The following FAM81B variants were observed in gnomAD, a reference collection of about 807,000 sequenced individuals.
The protein encoded by FAM81B is protein FAM81B.
FAM81B carries 60 observed loss-of-function variants against 58.7 expected under a neutral mutation model. The observed-to-expected ratio is 1.02, with a 90% CI of 0.83 to 1.27. FAM81B has a LOEUF of 1.27. Among genes scored for constraint, FAM81B ranks in the 50% most tolerant of loss-of-function variants. The pLI is 0.00. For missense variants in FAM81B, 491 were observed against 522.0 expected (o/e 0.94, Z 0.58); for synonymous variants, 189 against 179.6 (o/e 1.05, Z -0.42).
rs1251717567 is a variant in FAM81B at position 95,448,445 on chromosome 5, G to A, written c.1206G>A (p.Met402Ile). 6.2e-7 allele frequency: 1 copy of A among 1,606,164 alleles called. No individual in the cohort carries two copies. The highest frequency in any genetic ancestry group is 1.7e-5 in the Admixed American group (1 of 57,886). The change falls in exon 9 of 10, where the codon ATG becomes ATA. Residue 402 changes from methionine (M) to isoleucine (I), a missense_variant. Coordinates refer to ENST00000283357, the MANE Select transcript of FAM81B (RefSeq NM_152548.3). ...EKQIWGELET[M>I]QNEYQSGFKS... is the part of the protein sequence containing the mutation. ...AGATCTGGGGTGAATTAGAGACAATGCAGAATGAATATCAATCAGGTGAGC... is the reference window on the plus strand; with the variant it reads ...AGATCTGGGGTGAATTAGAGACAATACAGAATGAATATCAATCAGGTGAGC...
At chr5:95,416,892 T>C (rs1762551534) in intron 4 of FAM81B, among the ~76,000 whole-genome samples, 1 of 151,820 alleles carries the variant, frequency 6.6e-6, no homozygotes, top group Admixed American at 6.6e-5. Context: ...AAAAAATAAA[T>C]AATTAGCTGG....
Position 95,448,255 on chromosome 5 carries a change from A to AAT in FAM81B, c.1030-13_1030-12dup. 1.3e-6 allele frequency: 2 copies of AAT among 1,588,608 alleles called. No homozygotes were observed. The stretch of plus-strand genomic sequence containing the variant: ...GTACATTTCTGAAGTTTTATCCCAT[A>AAT]ATCTCTTTTACAGGAAAAGTCTGAA... On this transcript the variant is annotated splice_polypyrimidine_tract_variant and intron_variant, in intron 8 of 9. Transcript: ENST00000283357.
chr5:95,440,749 T>G, intron 7 of FAM81B: 1 of 361,942 alleles, frequency 2.8e-6, no homozygotes, highest in Non-Finnish European at 4.9e-6. Flanking sequence ...TGTCCACTTC[T>G]GGCATGTTTG....
chr5:95,407,985 T>G (rs1197335582), intron 3 of FAM81B, among the ~76,000 whole-genome samples: 1 of 151,972 alleles, frequency 6.6e-6, no homozygotes, highest in Admixed American at 6.6e-5. Context: ...CACCCCAGAC[T>G]CTTGCTGGCT....
At chr5:95,439,080 G>A (rs1745212296) in intron 7 of FAM81B, among the ~76,000 whole-genome samples, 1 of 150,366 alleles carries the variant, frequency 6.7e-6, no homozygotes, top group African/African-American at 2.4e-5. Flanking sequence ...ACTTATATAT[G>A]TGCCATAATT....
At chr5:95,400,125 T>A (rs1762066788) in intron 3 of FAM81B, among the ~76,000 whole-genome samples, 1 of 152,208 alleles carries the variant, frequency 6.6e-6, no homozygotes, top group Admixed American at 6.5e-5. Context: ...CTTACATTTC[T>A]CCTGGGCTAG....
chr5:95,407,652 G>T (rs1191743299), intron 3 of FAM81B, among the ~76,000 whole-genome samples: 1 of 152,150 alleles, frequency 6.6e-6, no homozygotes, highest in Non-Finnish European at 1.5e-5. Flanking sequence ...CAGTGTTGAT[G>T]AAAAGTGGCA....
chr5:95,414,575 C>T (rs1762488933), intron 4 of FAM81B, among the ~76,000 whole-genome samples: 1 of 152,128 alleles, frequency 6.6e-6, no homozygotes, highest in African/African-American at 2.4e-5. Context: ...CAATCTGATG[C>T]CAGCAATTTC....
chr5:95,423,985 A>G, intron 5 of FAM81B: 2 of 1,286,468 alleles, frequency 1.6e-6, no homozygotes, highest in South Asian at 1.2e-5. Flanking sequence ...CAGGTCAGCA[A>G]CACCAAACAG....
At chr5:95,431,596 G>A (rs959317559) in intron 6 of FAM81B, among the ~76,000 whole-genome samples, 16 of 151,958 alleles carry the variant, frequency 1.1e-4, no homozygotes, top group African/African-American at 3.9e-4. Context: ...ATCCAAGAAT[G>A]TAGTGTGCTT....
chr5:95,400,476 C>T lies in FAM81B; in HGVS notation c.293+4301C>T, dbSNP rs907745644. ...TACATACATACAGGCATCTTCACAT[C>T]GACACCAGCCATGCTGGATTAGGGG... On this transcript the variant is annotated intron_variant, in intron 3 of 9. Coordinates refer to ENST00000283357, the MANE Select transcript of FAM81B (RefSeq NM_152548.3). 2.7e-5 allele frequency among the ~76,000 whole-genome samples: 4 copies of T among 150,814 alleles called. No homozygotes were observed. The East Asian group carries it at 7.7e-4, about 29-fold the overall frequency.
intron 3 of FAM81B, among the ~76,000 whole-genome samples, chr5:95,403,426 G>T (rs1282120827): frequency 6.6e-6 from 1 of 152,150 alleles, no homozygotes; most frequent in Non-Finnish European, 1.5e-5. Context: ...TATTTAGTAA[G>T]TACTTAATGT....
At chr5:95,392,450 A>G (rs1029042517) in intron 1 of FAM81B, among the ~76,000 whole-genome samples, 11 of 152,192 alleles carry the variant, frequency 7.2e-5, no homozygotes, top group African/African-American at 2.4e-4. Flanking sequence ...GTGTATACCT[A>G]CGTAACAAAC....
At chr5:95,422,852 C>T (rs956296046) in intron 5 of FAM81B, among the ~76,000 whole-genome samples, 1 of 152,150 alleles carries the variant, frequency 6.6e-6, no homozygotes, top group East Asian at 1.9e-4. Flanking sequence ...ATACGCAATT[C>T]TTTTTGCTCT....
chr5:95,447,188 T>C (rs919629386), intron 8 of FAM81B, among the ~76,000 whole-genome samples: 1 of 152,178 alleles, frequency 6.6e-6, no homozygotes, highest in Admixed American at 6.5e-5. Context: ...AGAAATATAC[T>C]TATTTCAGGG....
Position 95,424,254 on chromosome 5 carries a change from T to C in FAM81B, c.656+3852T>C, listed in dbSNP as rs1582810585. 6 of 1,272,308 alleles carry C rather than the reference T, an allele frequency of 4.7e-6. No individual in the cohort carries two copies. The South Asian group carries it at 7.4e-5, about 16-fold the overall frequency. 78.8% of individuals were successfully genotyped at this position (1,272,308 alleles called of 1,614,324 possible). A position where few individuals can be genotyped will look rare whatever the true frequency, so the allele number is the denominator to read the frequency against. ...AATGCAGTCATGCATATGAATCACT[T>C]CCACTATCATCCCCAGATAGACAGA... On this transcript the variant is annotated intron_variant, in intron 5 of 9. Transcript: ENST00000283357.
At chr5:95,425,546 C>T (rs1762801760) in intron 5 of FAM81B, among the ~76,000 whole-genome samples, 1 of 152,136 alleles carries the variant, frequency 6.6e-6, no homozygotes, top group Non-Finnish European at 1.5e-5. Context: ...CTTGAGAATT[C>T]TAGTACTCCT....
chr5:95,413,915 C>T (rs750224905), intron 3 of FAM81B, 32 bp from the exon 4 acceptor site: 28 of 1,590,664 alleles, frequency 1.8e-5, no homozygotes, highest in Non-Finnish European at 2.1e-5. Flanking sequence ...TCTTGTAATG[C>T]CCTGGTGTTT....
chr5:95,401,184 T>C (rs77259131), intron 3 of FAM81B, among the ~76,000 whole-genome samples: 6,765 of 152,222 alleles, frequency 0.044, 308 homozygotes, highest in African/African-American at 0.12. Flanking sequence ...ACTAAAAATT[T>C]TGCTGAACAT....
Sources: gnomAD v4.1 joint callset for allele counts (sites outside exome capture counted in the v4.1 genomes callset) on GRCh38, gnomAD v4.1.1 for gene constraint, MANE v1.5 for transcripts, NCBI Gene and HGNC (gene_info 2026-07-23, HGNC 2026-07-21) for gene names.